ARHGAP15: variants seen among roughly 807,000 people sequenced by gnomAD.
The protein encoded by ARHGAP15 is Rho GTPase activating protein 15, also known as rho GTPase-activating protein 15.
A neutral mutation model predicts 63.7 loss-of-function variants in ARHGAP15; 51 were observed. That is an observed-to-expected ratio of 0.80 (90% CI 0.64 to 1.01). ARHGAP15 has a LOEUF of 1.01. ARHGAP15 is among the 50% of genes least tolerant of loss of function. ARHGAP15 has a pLI of 0.00. For missense variants in ARHGAP15, 560 were observed against 564.6 expected, an observed-to-expected ratio of 0.99 and a Z score of 0.08; for synonymous variants, 191 against 193.8, an observed-to-expected ratio of 0.99 and a Z score of 0.12.
intron 6 of ARHGAP15, among the ~76,000 whole-genome samples, chr2:143,312,255 T>TAGC (rs1430973228): frequency 6.6e-6 from 1 of 152,176 alleles, no homozygotes; most frequent in Non-Finnish European, 1.5e-5. Flanking sequence ...AGCTGCATGG[T>TAGC]AGCAGCAGAT....
chr2:143,729,935 AATAAGT>A (rs1157709630), intron 13 of ARHGAP15, among the ~76,000 whole-genome samples: 4 of 152,110 alleles, frequency 2.6e-5, no homozygotes, highest in Non-Finnish European at 4.4e-5. Flanking sequence ...AGAAATCATA[AATAAGT>A]ATGTGTTCTA....
intron 6 of ARHGAP15, among the ~76,000 whole-genome samples, chr2:143,272,696 A>G (rs1003901147): frequency 1.3e-5 from 2 of 152,114 alleles, no homozygotes; most frequent in Non-Finnish European, 2.9e-5. Context: ...TGCTCATCTC[A>G]ATCCAGGTGA....
At chr2:143,527,219 C>T (rs1426254838) in intron 10 of ARHGAP15, among the ~76,000 whole-genome samples, 2 of 151,872 alleles carry the variant, frequency 1.3e-5, no homozygotes, top group Admixed American at 6.6e-5. Flanking sequence ...CATACAGATT[C>T]CAGGTGAAAT....
At chr2:143,743,139 A>C (rs1036749192) in intron 13 of ARHGAP15, among the ~76,000 whole-genome samples, 1 of 152,212 alleles carries the variant, frequency 6.6e-6, no homozygotes, top group Non-Finnish European at 1.5e-5. Context: ...GCGGGATAAG[A>C]AGCGTTCAGA....
chr2:143,176,561 A>C (rs936460558), intron 2 of ARHGAP15, among the ~76,000 whole-genome samples: 1 of 152,210 alleles, frequency 6.6e-6, no homozygotes, highest in Non-Finnish European at 1.5e-5. Flanking sequence ...TAGTAAAAAA[A>C]AACTAGTAAA....
chr2:143,739,050 C>T (rs1442133308), intron 13 of ARHGAP15, among the ~76,000 whole-genome samples: 3 of 152,084 alleles, frequency 2.0e-5, no homozygotes, highest in Admixed American at 6.5e-5. Context: ...TGAGATTTTA[C>T]CTTATGGACA....
intron 6 of ARHGAP15, among the ~76,000 whole-genome samples, chr2:143,388,666 C>A (rs1039170857): frequency 6.6e-6 from 1 of 152,080 alleles, no homozygotes; most frequent in African/African-American, 2.4e-5. Context: ...TATAATGATT[C>A]TTCACTTAAT....
At chr2:143,221,791 T>G (rs537778138) in intron 4 of ARHGAP15, among the ~76,000 whole-genome samples, 42 of 152,190 alleles carry the variant, frequency 2.8e-4, no homozygotes, top group Non-Finnish European at 5.6e-4. Context: ...AAGATATACT[T>G]GGGGGTGAAA....
chr2:143,757,810 T>C (rs926418202), intron 13 of ARHGAP15, among the ~76,000 whole-genome samples: 2 of 152,118 alleles, frequency 1.3e-5, no homozygotes, highest in African/African-American at 2.4e-5. Flanking sequence ...ATAATAGTTA[T>C]CTGATCTCTT....
At chr2:143,373,728 GAA>G (rs1686680151) in intron 6 of ARHGAP15, among the ~76,000 whole-genome samples, 1 of 150,630 alleles carries the variant, frequency 6.6e-6, no homozygotes, top group Non-Finnish European at 1.5e-5. Flanking sequence ...GGTAGTCTAG[GAA>G]AAGTCTCAGA....
chr2:143,359,922 A>C (rs1046770569), intron 6 of ARHGAP15, among the ~76,000 whole-genome samples: 6 of 152,198 alleles, frequency 3.9e-5, no homozygotes. Context: ...TAAAATGAGG[A>C]AATATGATAT....
chr2:143,241,495 A>G (rs1693860115), intron 5 of ARHGAP15, among the ~76,000 whole-genome samples: 1 of 152,200 alleles, frequency 6.6e-6, no homozygotes. Context: ...AGTGGTTAGG[A>G]GTAGTGGCAG....
chr2:143,202,321 C>G (rs1692153277), intron 3 of ARHGAP15, 119 bp downstream of exon 3: 1 of 797,472 alleles, frequency 1.3e-6, no homozygotes, highest in African/African-American at 1.7e-5. Flanking sequence ...GGAATCAGGG[C>G]ACCACTTAGT....
At chr2:143,288,453 A>C (rs375937361) in intron 6 of ARHGAP15, among the ~76,000 whole-genome samples, 1 of 152,186 alleles carries the variant, frequency 6.6e-6, no homozygotes, top group Non-Finnish European at 1.5e-5. Flanking sequence ...TTGAAAAAAA[A>C]TAGTGTTGCA....
chr2:143,563,492 G>T (rs1274476622), intron 11 of ARHGAP15, among the ~76,000 whole-genome samples: 1 of 152,162 alleles, frequency 6.6e-6, no homozygotes, highest in Non-Finnish European at 1.5e-5. Flanking sequence ...ATTTCATGTT[G>T]TCAGTATGGT....
chr2:143,721,989 C>T (rs138797850), intron 13 of ARHGAP15, among the ~76,000 whole-genome samples: 6 of 152,132 alleles, frequency 3.9e-5, no homozygotes, highest in African/African-American at 9.6e-5. Flanking sequence ...TTATGTTATG[C>T]AAACATGGTT....
At chr2:143,199,406 TTC>T (rs1558808923) in intron 2 of ARHGAP15, among the ~76,000 whole-genome samples, 1 of 152,164 alleles carries the variant, frequency 6.6e-6, no homozygotes, top group Non-Finnish European at 1.5e-5. Context: ...TCTGCAACTT[TTC>T]TCTTAAGTAT....
chr2:143,350,709 G>C (rs2105312721), intron 6 of ARHGAP15, among the ~76,000 whole-genome samples: 1 of 149,588 alleles, frequency 6.7e-6, no homozygotes, highest in Non-Finnish European at 1.5e-5. Context: ...CGTGGTGGTG[G>C]GCATCTGTAG....
At chr2:143,517,570 CAG>C (rs1383412518) in intron 9 of ARHGAP15, among the ~76,000 whole-genome samples, 1 of 152,162 alleles carries the variant, frequency 6.6e-6, no homozygotes, top group East Asian at 1.9e-4. Flanking sequence ...TCTAGGTACT[CAG>C]GATCCAATAA....
Sources: gnomAD v4.1 joint callset for allele counts (sites outside exome capture counted in the v4.1 genomes callset) on GRCh38, gnomAD v4.1.1 for gene constraint, MANE v1.5 for transcripts, NCBI Gene and HGNC (gene_info 2026-07-23, HGNC 2026-07-21) for gene names.